The following TDRD9 variants were observed in gnomAD, a reference collection of about 807,000 sequenced individuals.
The protein encoded by TDRD9 is ATP-dependent RNA helicase TDRD9.
TDRD9 carries 124 observed loss-of-function variants against 172.6 expected under a neutral mutation model. That is an observed-to-expected ratio of 0.72 (90% CI 0.62 to 0.83). The LOEUF is 0.83. Ranked by LOEUF, TDRD9 falls within the 40% of genes least tolerant of loss-of-function variation. The pLI is 0.00. For synonymous variants in TDRD9, 619 were observed against 617.1 expected, an observed-to-expected ratio of 1.00 and a Z score of -0.05; for missense variants, 1,479 against 1,714.1, an observed-to-expected ratio of 0.86 and a Z score of 2.42.
Position 104,046,087 on chromosome 14 carries a change from G to T in TDRD9, c.3975-3521G>T, listed in dbSNP as rs1414077600. Reference sequence around the variant, plus strand: ...TTCTCCTGCCTCAGCCTCCCGAGTAGCTGGGATTACAGGCACACGCCACCA... The same window carrying T: ...TTCTCCTGCCTCAGCCTCCCGAGTATCTGGGATTACAGGCACACGCCACCA... On this transcript the variant is annotated intron_variant, in intron 34 of 35. Coordinates refer to ENST00000409874, the MANE Select transcript of TDRD9 (RefSeq NM_153046.3). 3.3e-5 allele frequency among the ~76,000 whole-genome samples: 5 copies of T among 152,116 alleles called. No individual in the cohort carries two copies. In the East Asian group the frequency reaches 9.6e-4, roughly 29 times the overall value.
intron 1 of TDRD9, among the ~76,000 whole-genome samples, chr14:103,930,401 G>A (rs1225371139): frequency 1.3e-5 from 2 of 152,070 alleles, no homozygotes; most frequent in African/African-American, 2.4e-5. Context: ...TGGCCAGGTC[G>A]GTCTGACCTT....
intron 20 of TDRD9, among the ~76,000 whole-genome samples, chr14:104,010,213 G>A (rs28841005): frequency 0.023 from 3,421 of 152,006 alleles, 145 homozygotes; most frequent in Admixed American, 0.12. Flanking sequence ...TCAAAGTGTT[G>A]GGATTACAGG....
At chr14:103,937,944 G>A (rs1202767457) in intron 1 of TDRD9, among the ~76,000 whole-genome samples, 1 of 151,902 alleles carries the variant, frequency 6.6e-6, no homozygotes, top group Non-Finnish European at 1.5e-5. Flanking sequence ...CCAAGAGGAG[G>A]TGTCACAGGC....
At chr14:103,959,491 T>TACACAC (rs147603782) in intron 2 of TDRD9, among the ~76,000 whole-genome samples, 1 of 148,352 alleles carries the variant, frequency 6.7e-6, no homozygotes. Context: ...TATGTATACA[T>TACACAC]ACACACACAC....
At chr14:104,033,876 G>A in intron 30 of TDRD9, 84 bp from the exon 31 acceptor site, 3 of 802,252 alleles carry the variant, frequency 3.7e-6, no homozygotes, top group Non-Finnish European at 6.3e-6. Flanking sequence ...TTGTATTTTT[G>A]AAATGGGTTG....
At chr14:104,026,436 T>TC (rs2035120684) in intron 27 of TDRD9, among the ~76,000 whole-genome samples, 1 of 152,228 alleles carries the variant, frequency 6.6e-6, no homozygotes, top group Non-Finnish European at 1.5e-5. Flanking sequence ...ACAGACATAG[T>TC]CACACATGCC....
intron 27 of TDRD9, among the ~76,000 whole-genome samples, chr14:104,026,408 A>G (rs193206773): frequency 6.6e-6 from 1 of 152,368 alleles, no homozygotes; most frequent in Admixed American, 6.5e-5. Flanking sequence ...GAAACCAGAC[A>G]GACTTTTTAG....
Position 104,040,252 on chromosome 14 carries a change from C to T in TDRD9, c.3773C>T (p.Pro1258Leu), listed in dbSNP as rs1204188965. The change falls in exon 33 of 36, where the codon CCA (proline) becomes CTA (leucine). Residue 1258 changes from proline to leucine, a missense_variant. Transcript: ENST00000409874. Reference sequence around the variant, plus strand: ...GTCCTTTGTGGTTTGGGGTGGAATCCAGCTACAGGGGCTTCCATACTGCCC... The same window carrying T: ...GTCCTTTGTGGTTTGGGGTGGAATCTAGCTACAGGGGCTTCCATACTGCCC... ...TGVLCGLGWNPATGASILPEH... is the reference protein window; with the variant it reads ...TGVLCGLGWNLATGASILPEH... 2 of 1,550,818 alleles carry T rather than the reference C, an allele frequency of 1.3e-6. No individual in the cohort carries two copies. Among genetic ancestry groups the T allele is most frequent in the Non-Finnish European group, 8.7e-7 (1 of 1,146,548 alleles).
chr14:104,031,948 G>T, intron 29 of TDRD9, 69 bp from the exon 30 acceptor site: 2 of 1,041,356 alleles, frequency 1.9e-6, no homozygotes, highest in South Asian at 1.7e-5. Flanking sequence ...GCTGACTTTT[G>T]AGTTTTAAAA....
At chr14:103,942,597 G>A (rs1247290515) in intron 1 of TDRD9, among the ~76,000 whole-genome samples, 1 of 152,168 alleles carries the variant, frequency 6.6e-6, no homozygotes, top group African/African-American at 2.4e-5. Flanking sequence ...TTTTATGCCT[G>A]TAGAGCTCTA....
chr14:103,958,946 T>C lies in TDRD9; in HGVS notation c.322+3176T>C, dbSNP rs572886678. On this transcript the variant is annotated intron_variant, in intron 2 of 35. Coordinates refer to ENST00000409874, the MANE Select transcript of TDRD9 (RefSeq NM_153046.3). ...CTGTAACGAAGAGTTTTGGTCTTAATACTCAGAGCAGTGGGAAGGTATGAA... is the reference window on the plus strand; with the variant it reads ...CTGTAACGAAGAGTTTTGGTCTTAACACTCAGAGCAGTGGGAAGGTATGAA... 1.4e-3 allele frequency among the ~76,000 whole-genome samples: 211 copies of C among 152,360 alleles called. 1 individual carries two copies. Among genetic ancestry groups the C allele is most frequent in the Middle Eastern group, 3.4e-3 (1 of 294 alleles).
At chr14:104,036,258 A>C (rs2035447579) in intron 32 of TDRD9, among the ~76,000 whole-genome samples, 1 of 152,200 alleles carries the variant, frequency 6.6e-6, no homozygotes, top group South Asian at 2.1e-4. Flanking sequence ...GATGGCTTAC[A>C]AAAATACCGC....
At chr14:104,001,241 C>T (rs906546544) in intron 13 of TDRD9, among the ~76,000 whole-genome samples, 3 of 152,244 alleles carry the variant, frequency 2.0e-5, no homozygotes, top group Admixed American at 6.5e-5. Flanking sequence ...GCCCCTAACA[C>T]TCTGTCTGTC....
At chr14:104,034,094 C>G in intron 31 of TDRD9, 25 bp downstream of exon 31, 2 of 1,415,368 alleles carry the variant, frequency 1.4e-6, no homozygotes, top group Non-Finnish European at 2.0e-6. Flanking sequence ...CTGTTTATTC[C>G]TTGTCCTCTC....
intron 7 of TDRD9, among the ~76,000 whole-genome samples, chr14:103,979,059 C>A (rs1024236358): frequency 6.6e-6 from 1 of 152,166 alleles, no homozygotes; most frequent in Non-Finnish European, 1.5e-5. Context: ...TTTCCCCTAC[C>A]CTTCCCAGCC....
At chr14:104,023,860 G>A (rs1454346174) in intron 24 of TDRD9, among the ~76,000 whole-genome samples, 1 of 152,190 alleles carries the variant, frequency 6.6e-6, no homozygotes, top group Non-Finnish European at 1.5e-5. Flanking sequence ...TCCTGCTCTA[G>A]TGAGGTCAGA....
intron 7 of TDRD9, among the ~76,000 whole-genome samples, chr14:103,976,400 A>G (rs550430462): frequency 3.2e-4 from 49 of 152,032 alleles, no homozygotes; most frequent in Non-Finnish European, 6.9e-4. Flanking sequence ...CAGCCTCCCA[A>G]ATAGCTAGGA....
At chr14:103,991,030 A>G in intron 8 of TDRD9, 130 bp from the exon 9 acceptor site, 3 of 1,057,620 alleles carry the variant, frequency 2.8e-6, no homozygotes, top group Non-Finnish European at 4.1e-6. Context: ...TCTTATGTAA[A>G]ATAAGGAACA....
At chr14:103,999,992 G>A (rs1169111284) in intron 13 of TDRD9, among the ~76,000 whole-genome samples, 1 of 152,098 alleles carries the variant, frequency 6.6e-6, no homozygotes, top group Non-Finnish European at 1.5e-5. Flanking sequence ...GAAATGACTT[G>A]CCTAGAGAGG....
Sources: allele counts gnomAD v4.1 joint callset (sites outside exome capture counted in the v4.1 genomes callset), GRCh38; gene constraint gnomAD v4.1.1; transcripts MANE v1.5; gene names NCBI Gene and HGNC (gene_info 2026-07-23, HGNC 2026-07-21).